Variants in PIKFYVE observed in about 807,000 individuals in gnomAD.
The protein encoded by PIKFYVE is phosphoinositide kinase, FYVE-type zinc finger containing, also known as 1-phosphatidylinositol 3-phosphate 5-kinase.
A neutral mutation model predicts 257.9 loss-of-function variants in PIKFYVE; 122 were observed. That is an observed-to-expected ratio of 0.47 (90% CI 0.41 to 0.55). The LOEUF (loss-of-function observed/expected upper bound fraction) is 0.55, where lower values mean the gene tolerates loss of function less well. PIKFYVE is among the 20% of genes least tolerant of loss of function. PIKFYVE has a pLI of 0.00. For synonymous variants in PIKFYVE, 892 were observed against 868.9 expected (o/e 1.03, Z -0.47); for missense variants, 2,160 against 2,536.6 (o/e 0.85, Z 3.19).
rs188586992 is a variant in PIKFYVE, at chr2:208,324,294, T to A, written c.2331+12T>A. On this transcript the variant is annotated intron_variant, in intron 18 of 41. Transcript: ENST00000264380. ...TTAATGTAAAGTCAGTGAGTGTTTT[T>A]AATTTTCTATTGTATTTTAAAAAAA... 858 of 1,612,280 alleles carry A rather than the reference T, an allele frequency of 5.3e-4. No homozygotes were observed. Among genetic ancestry groups the A allele is most frequent in the Admixed American group, 1.4e-3 (86 of 60,020 alleles).
intron 25 of PIKFYVE, 89 bp from the exon 26 acceptor site, chr2:208,335,704 A>G (rs1698062859): frequency 8.4e-6 from 9 of 1,067,740 alleles, no homozygotes; most frequent in South Asian, 8.0e-5. Context: ...TTTCAATTAC[A>G]TTTTGCATGT....
intron 6 of PIKFYVE, among the ~76,000 whole-genome samples, chr2:208,288,267 A>C (rs950681499): frequency 2.6e-4 from 40 of 152,242 alleles, no homozygotes; most frequent in African/African-American, 9.4e-4. Context: ...GTGGATGCTG[A>C]GGTTTAGCGA....
intron 5 of PIKFYVE, among the ~76,000 whole-genome samples, chr2:208,283,381 C>T (rs1691094323): frequency 6.6e-6 from 1 of 152,168 alleles, no homozygotes; most frequent in Non-Finnish European, 1.5e-5. Context: ...TAGGCATGCG[C>T]TTAATAGGCT....
intron 1 of PIKFYVE, 125 bp from the exon 2 acceptor site, chr2:208,271,386 A>C: frequency 2.2e-6 from 2 of 890,234 alleles, no homozygotes; most frequent in Admixed American, 3.7e-5. Flanking sequence ...AGATTTATTT[A>C]CTGTTTGTTT....
intron 5 of PIKFYVE, among the ~76,000 whole-genome samples, chr2:208,281,236 A>G (rs903523616): frequency 1.3e-5 from 2 of 152,194 alleles, no homozygotes; most frequent in Admixed American, 1.3e-4. Flanking sequence ...GGCATTTCTG[A>G]TATTTCAACC....
intron 36 of PIKFYVE, 40 bp from the exon 37 acceptor site, chr2:208,350,731 G>T (rs758787800): frequency 6.2e-7 from 1 of 1,604,562 alleles, no homozygotes; most frequent in Non-Finnish European, 8.5e-7. Flanking sequence ...GATATTTTCT[G>T]AGTCATAAAG....
intron 39 of PIKFYVE, 119 bp from the exon 40 acceptor site, chr2:208,353,779 T>G: frequency 8.5e-7 from 1 of 1,183,400 alleles, no homozygotes; most frequent in Non-Finnish European, 1.2e-6. Flanking sequence ...CAGTTAAACT[T>G]TGGAGTGTGT....
chr2:208,267,178 T>A (rs1362411897), intron 1 of PIKFYVE, among the ~76,000 whole-genome samples: 1 of 152,262 alleles, frequency 6.6e-6, no homozygotes, highest in Non-Finnish European at 1.5e-5. Context: ...TTGTAAAATA[T>A]GTCCAGTGTT....
chr2:208,269,879 C>A, intron 1 of PIKFYVE: 1 of 298,350 alleles, frequency 3.4e-6, no homozygotes, highest in Non-Finnish European at 6.9e-6. Flanking sequence ...CTGGAGGGGC[C>A]CATGCTGCTG....
At position 208,324,320 on chromosome 2, in the gene PIKFYVE, T is replaced by C. The variant is rs748186455; in HGVS notation, c.2331+38T>C. On this transcript the variant is annotated intron_variant, in intron 18 of 41. Coordinates refer to ENST00000264380, the MANE Select transcript of PIKFYVE (RefSeq NM_015040.4). ...AATTTTCTATTGTATTTTAAAAAAA[T>C]CACAGCTTTTAAATTTATATGCACG... The C allele has an allele frequency of 1.9e-6, 3 of 1,600,436 alleles. No homozygotes were observed. In the East Asian group the frequency reaches 6.7e-5, roughly 36 times the overall value.
chr2:208,309,428 C>A (rs1270151126), intron 12 of PIKFYVE, among the ~76,000 whole-genome samples: 4 of 152,120 alleles, frequency 2.6e-5, no homozygotes, highest in Non-Finnish European at 4.4e-5. Context: ...GATGTGCCAA[C>A]CCCGCACTCC....
At chr2:208,341,060 T>A (rs1207440329) in intron 31 of PIKFYVE, among the ~76,000 whole-genome samples, 1 of 152,064 alleles carries the variant, frequency 6.6e-6, no homozygotes, top group Non-Finnish European at 1.5e-5. Flanking sequence ...CAGGCTGGAA[T>A]GTAGTGGTGT....
In PIKFYVE at chr2:208,326,118, A is replaced by C. The variant is rs752701207; in HGVS notation, c.3307A>C (p.Lys1103Gln). Residue 1103 changes from lysine (K) to glutamine (Q), a missense_variant, in exon 20 of 42, where the codon AAG (lysine) becomes CAG (glutamine). By Grantham distance (53) the Lys-to-Gln change is moderately conservative (BLOSUM62 1). Around this residue, in one of 12 missense-constraint regions of PIKFYVE, gnomAD observed 522 missense variants for 514.6 expected, o/e 1.01. Transcript: ENST00000264380. Reference protein sequence around the residue: ...KEFKEMENRRKKQLLRDLSGL... With the variant: ...KEFKEMENRRQKQLLRDLSGL... ...ATTCAAAGAAATGGAGAACAGGAGG[A>C]AGAAACAGCTGCTCAGGGATCTCTC... 1 of 1,614,136 alleles carries C rather than the reference A, an allele frequency of 6.2e-7. No homozygotes were observed. The highest frequency in any genetic ancestry group is 1.1e-5 in the South Asian group (1 of 91,080).
chr2:208,320,475 G>C lies in PIKFYVE; in HGVS notation c.2190+116G>C, dbSNP rs529242344. The C allele has an allele frequency of 5.2e-4, 658 of 1,258,788 alleles. 7 individuals are homozygous for C. The South Asian group carries it at 7.2e-3, about 14-fold the overall frequency. The allele number at this position is 1,258,788 out of a possible 1,614,324, so 78.0% of individuals were successfully genotyped here. A position where few individuals can be genotyped will look rare whatever the true frequency, so the allele number is the denominator to read the frequency against. On this transcript the variant is annotated intron_variant, in intron 17 of 41. Coordinates refer to ENST00000264380, the MANE Select transcript of PIKFYVE (RefSeq NM_015040.4). ...CTAATTAAATTGGATAGGCAAACTT[G>C]ATAGCTTACCAAAACCTCTGTCACT...
rs1697602995 is a variant in PIKFYVE at position 208,332,084 on chromosome 2, A to G, written c.3964-1231A>G. Among the ~76,000 whole-genome samples, 4 of 152,338 alleles carry G rather than the reference A, an allele frequency of 2.6e-5. No homozygotes were observed. The South Asian group carries it at 8.3e-4, about 32-fold the overall frequency. Reference sequence around the variant, plus strand: ...ATGAAAAACTTCCAGTGTCAAGGAAAAATACAACATATATGACTAAACATA... The same window carrying G: ...ATGAAAAACTTCCAGTGTCAAGGAAGAATACAACATATATGACTAAACATA... On this transcript the variant is annotated intron_variant, in intron 23 of 41. Coordinates refer to ENST00000264380, the MANE Select transcript of PIKFYVE (RefSeq NM_015040.4).
At chr2:208,349,916 A>G in intron 35 of PIKFYVE, 108 bp from the exon 36 acceptor site, 2 of 1,504,286 alleles carry the variant, frequency 1.3e-6, no homozygotes, top group East Asian at 2.3e-5. Context: ...GGATATTTTT[A>G]CTTTTAATTT....
chr2:208,302,945 G>C (rs550180199), intron 10 of PIKFYVE, among the ~76,000 whole-genome samples: 1 of 152,014 alleles, frequency 6.6e-6, no homozygotes, highest in Non-Finnish European at 1.5e-5. Context: ...AGCCAGGCAT[G>C]GTGGTGGACA....
chr2:208,285,929 C>A lies in PIKFYVE; in HGVS notation c.817C>A (p.Gln273Lys). The change falls in exon 6 of 42, where the codon CAA (glutamine) becomes AAA (lysine). Residue 273 changes from glutamine (Q) to lysine (K), a missense_variant. By Grantham distance (53) the Gln-to-Lys change is moderately conservative. Transcript: ENST00000264380. ...ATTTTTAGAGGATGATTTGGCCTGG[C>A]AAAGGTATTGTCCCTTAAATATAAT... is the stretch of plus-strand genomic sequence containing the variant. ...NIFLEDDLAW[Q>K]SLIHPDSSNT... is the part of the protein sequence containing the mutation. 24 of 1,613,336 alleles carry A rather than the reference C, an allele frequency of 1.5e-5. No individual in the cohort carries two copies. Among genetic ancestry groups the A allele is most frequent in the Non-Finnish European group, 2.0e-5 (24 of 1,179,380 alleles).
intron 1 of PIKFYVE, 61 bp from the exon 2 acceptor site, chr2:208,271,450 G>T: frequency 6.7e-7 from 1 of 1,488,786 alleles, no homozygotes; most frequent in Non-Finnish European, 9.4e-7. Context: ...GATGCTGTTT[G>T]GAATCAACTT....
Sources: gnomAD v4.1 joint callset for allele counts (sites outside exome capture counted in the v4.1 genomes callset) on GRCh38, gnomAD v4.1.1 for gene constraint, gnomAD v4.1.1 regional missense constraint, MANE v1.5 for transcripts, NCBI Gene and HGNC (gene_info 2026-07-23, HGNC 2026-07-21) for gene names.